CPXM2: variants seen among roughly 807,000 people sequenced by gnomAD.
The protein encoded by CPXM2 is inactive carboxypeptidase-like protein X2.
Under a neutral mutation model 86.1 loss-of-function variants are expected in CPXM2, and 66 were observed. The observed-to-expected ratio is 0.77, with a 90% CI of 0.63 to 0.94. CPXM2 has a LOEUF of 0.94. CPXM2 is among the 40% of genes least tolerant of loss of function. The probability of loss-of-function intolerance (pLI) is 0.00; values close to 1 mark genes in which losing one functional copy is unlikely to be tolerated. For synonymous variants in CPXM2, 388 were observed against 400.2 expected (o/e 0.97, Z 0.36); for missense variants, 948 against 1,026.3 (o/e 0.92, Z 1.04).
chr10:123,934,301 T>C (rs1945694758), intron 2 of CPXM2, among the ~76,000 whole-genome samples: 1 of 152,158 alleles, frequency 6.6e-6, no homozygotes, highest in Non-Finnish European at 1.5e-5. Context: ...AATGGCGGTG[T>C]CAGCAGAACC....
chr10:123,798,201 C>G (rs565518696), intron 5 of CPXM2, 75 bp from the exon 6 acceptor site: 4 of 1,247,162 alleles, frequency 3.2e-6, no homozygotes, highest in Admixed American at 4.8e-5. Context: ...AGAATTCACT[C>G]ATTCAACAAG....
At chr10:123,903,713 A>C (rs1945405724) in intron 2 of CPXM2, among the ~76,000 whole-genome samples, 1 of 152,250 alleles carries the variant, frequency 6.6e-6, no homozygotes, top group African/African-American at 2.4e-5. Context: ...GGGACTTTGT[A>C]ATGTGCAGAG....
At chr10:123,912,367 C>T (rs560873096) in intron 2 of CPXM2, among the ~76,000 whole-genome samples, 6 of 149,274 alleles carry the variant, frequency 4.0e-5, no homozygotes, top group Non-Finnish European at 8.9e-5. Context: ...CCCACTGTAA[C>T]CCACTGAACA....
chr10:123,818,460 T>A (rs1847858716), intron 4 of CPXM2, among the ~76,000 whole-genome samples: 1 of 152,192 alleles, frequency 6.6e-6, no homozygotes, highest in Admixed American at 6.5e-5. Flanking sequence ...ATATTGGACC[T>A]CTTTCATCAT....
At chr10:123,882,255 C>T (rs1945105148) in intron 1 of CPXM2, among the ~76,000 whole-genome samples, 1 of 152,152 alleles carries the variant, frequency 6.6e-6, no homozygotes, top group African/African-American at 2.4e-5. Flanking sequence ...AATTAAGTGC[C>T]CCCTTTAGTG....
chr10:123,830,849 C>G, intron 4 of CPXM2, among the ~76,000 whole-genome samples: 1 of 143,848 alleles, frequency 7.0e-6, no homozygotes, highest in Non-Finnish European at 1.5e-5. Context: ...TGAGTATGCA[C>G]TCATCTCTCT....
intron 2 of CPXM2, among the ~76,000 whole-genome samples, chr10:123,907,917 GA>G (rs1272957964): frequency 6.6e-6 from 1 of 152,086 alleles, no homozygotes; most frequent in African/African-American, 2.4e-5. Flanking sequence ...AAAAGGAAGA[GA>G]GGGGAAGCAG....
intron 4 of CPXM2, among the ~76,000 whole-genome samples, chr10:123,814,094 TTGACC>T (rs1847756169): frequency 6.6e-6 from 1 of 152,344 alleles, no homozygotes; most frequent in East Asian, 1.9e-4. Context: ...GTTATCAGTC[TTGACC>T]ATTGGGTGCT....
At chr10:123,808,028 T>C (rs1476504510) in intron 4 of CPXM2, among the ~76,000 whole-genome samples, 1 of 152,128 alleles carries the variant, frequency 6.6e-6, no homozygotes, top group African/African-American at 2.4e-5. Flanking sequence ...GCTGCAGCCA[T>C]CTCCCTCACT....
Position 123,768,586 on chromosome 10 carries a change from C to G in CPXM2, c.1239G>C (p.Glu413Asp). The change falls in exon 9 of 14, where the codon GAG (glutamate) becomes GAC (aspartate). Residue 413 changes from glutamate (E) to aspartate (D), a missense_variant. Physicochemically the swap from Glu to Asp is conservative, Grantham distance 45. Transcript: ENST00000241305. ...GGGAGGGGAGGACGTGAATCCGCGT[C>G]TCCTCCACCAGGTGGACGATGCGCG... ...RNARIVHLVE[E>D]TRIHVLPSLN... 6.2e-7 allele frequency: 1 copy of G among 1,613,996 alleles called. No homozygotes were observed. Among genetic ancestry groups the G allele is most frequent in the South Asian group, 1.1e-5 (1 of 91,074 alleles).
At chr10:123,814,219 G>A (rs1171354252) in intron 4 of CPXM2, among the ~76,000 whole-genome samples, 1 of 152,174 alleles carries the variant, frequency 6.6e-6, no homozygotes, top group Non-Finnish European at 1.5e-5. Flanking sequence ...TGAGTCAGTA[G>A]GCTTGGAAAG....
At position 123,767,144 on chromosome 10, in the gene CPXM2, C is replaced by G. The variant is rs751135616; in HGVS notation, c.1308G>C (p.Glu436Asp). 1.2e-6 allele frequency: 2 copies of G among 1,614,052 alleles called. No individual in the cohort carries two copies. Among genetic ancestry groups the G allele is most frequent in the Non-Finnish European group, 1.7e-6 (2 of 1,179,970 alleles). The change falls in exon 10 of 14, where the codon GAG becomes GAC. Residue 436 changes from glutamate to aspartate, a missense_variant. Coordinates refer to ENST00000241305, the MANE Select transcript of CPXM2 (RefSeq NM_198148.3). ...AGCGTCCCAGGGACCAGCCTCCCAG[C>G]TCCGAGCCCTGGAGACAAGTGAGAG... ...GYEKAYEGGS[E>D]LGGWSLGRWT...
At chr10:123,748,630 G>A (rs557102037) in intron 13 of CPXM2, among the ~76,000 whole-genome samples, 5 of 152,178 alleles carry the variant, frequency 3.3e-5, no homozygotes, top group East Asian at 1.9e-4. Context: ...TCAGGTGGGC[G>A]GCTCCCTGGC....
At position 123,755,202 on chromosome 10, in the gene CPXM2, C is replaced by T. The variant is rs374544954; in HGVS notation, c.1918-440G>A. Among the ~76,000 whole-genome samples, 28 of 152,258 alleles carry T rather than the reference C, an allele frequency of 1.8e-4. 1 individual carries two copies. The highest frequency in any genetic ancestry group is 6.5e-4 in the African/African-American group (27 of 41,538). ...GCCAATGGGCATGCTTTCGGCATGC[C>T]CTCTGAGGCCAGCCCCTGGAGGTGG... is the stretch of plus-strand genomic sequence containing the variant. On this transcript the variant is annotated intron_variant, in intron 12 of 13. Coordinates refer to ENST00000241305, the MANE Select transcript of CPXM2 (RefSeq NM_198148.3).
chr10:123,926,618 C>G (rs1945623765), intron 2 of CPXM2, among the ~76,000 whole-genome samples: 1 of 152,244 alleles, frequency 6.6e-6, no homozygotes, highest in Admixed American at 6.5e-5. Context: ...TTCTGCAAAG[C>G]TTTCTTAACA....
chr10:123,789,733 T>A (rs1302837657), intron 6 of CPXM2, among the ~76,000 whole-genome samples: 1 of 152,110 alleles, frequency 6.6e-6, no homozygotes, highest in Non-Finnish European at 1.5e-5. Flanking sequence ...GGGTTCTTAT[T>A]CCTGATGCAG....
chr10:123,848,946 T>C lies in CPXM2; in HGVS notation c.514-6458A>G, dbSNP rs1848548101. Reference sequence around the variant, plus strand: ...TGCCTGGCACAGAAAAGACAGTCAATACATGGAAGCCACTGGGGGTACAAG... The same window carrying C: ...TGCCTGGCACAGAAAAGACAGTCAACACATGGAAGCCACTGGGGGTACAAG... On this transcript the variant is annotated intron_variant, in intron 3 of 13. Coordinates refer to ENST00000241305, the MANE Select transcript of CPXM2 (RefSeq NM_198148.3). Among the ~76,000 whole-genome samples, 5 of 152,212 alleles carry C rather than the reference T, an allele frequency of 3.3e-5. No individual in the cohort carries two copies. The South Asian group carries it at 1.0e-3, about 31-fold the overall frequency.
intron 1 of CPXM2, among the ~76,000 whole-genome samples, chr10:123,883,514 A>T (rs542110331): frequency 6.6e-6 from 1 of 152,260 alleles, no homozygotes; most frequent in East Asian, 1.9e-4. Flanking sequence ...TGATGGGCTT[A>T]GGGTGGCCCT....
chr10:123,857,387 AG>A (rs993359081), intron 3 of CPXM2, among the ~76,000 whole-genome samples: 15 of 152,242 alleles, frequency 9.9e-5, no homozygotes, highest in Admixed American at 7.2e-4. Flanking sequence ...AAATCTATAC[AG>A]GTCTAGAAGC....
Sources: gnomAD v4.1 joint callset for allele counts (sites outside exome capture counted in the v4.1 genomes callset) on GRCh38, gnomAD v4.1.1 for gene constraint, MANE v1.5 for transcripts, NCBI Gene and HGNC (gene_info 2026-07-23, HGNC 2026-07-21) for gene names.